MTMR1: variants seen among roughly 807,000 people sequenced by gnomAD.
MTMR1 encodes myotubularin related protein 1, also known as phosphatidylinositol-3-phosphate phosphatase MTMR1.
Under a neutral mutation model 51.6 loss-of-function variants are expected in MTMR1, and 17 were observed. That is an observed-to-expected ratio of 0.33 (90% CI 0.23 to 0.49). MTMR1 has a LOEUF of 0.49. MTMR1 is among the 20% of genes least tolerant of loss of function. The pLI, the probability that MTMR1 is intolerant of heterozygous loss-of-function variation, is 0.99. For missense variants in MTMR1, 386 were observed against 526.9 expected (o/e 0.73, Z 2.62); for synonymous variants, 201 against 205.6 (o/e 0.98, Z 0.19).
In MTMR1 at chrX:150,762,554, G is replaced by A. The variant is rs112835116; in HGVS notation, c.1858-11G>A. ...GGCCTGATAATGCAGCTTTGTCTCT[G>A]CTCCCTCCAGATGCCCATTCACCAG... On this transcript the variant is annotated splice_polypyrimidine_tract_variant and intron_variant, in intron 15 of 15. Coordinates refer to ENST00000445323, the MANE Select transcript of MTMR1 (RefSeq NM_001306144.3). 3.1e-3 allele frequency: 3,786 copies of A among 1,210,480 alleles called. 85 individuals carry two copies. In the African/African-American group the frequency reaches 0.058, roughly 18 times the overall value.
chrX:150,693,310 G>A (rs1202507287), upstream of MTMR1: 4 of 266,957 alleles, frequency 1.5e-5, no homozygotes, highest in African/African-American at 3.0e-5. Context: ...TCCCGGCGCC[G>A]GCCCCGCGCG....
intron 13 of MTMR1, among the ~76,000 whole-genome samples, chrX:150,747,899 A>T (rs1172339475): frequency 8.9e-6 from 1 of 111,980 alleles, no homozygotes; most frequent in Non-Finnish European, 1.9e-5. Flanking sequence ...TCATTGTCAT[A>T]GTCTGTTTGG....
chrX:150,749,244 C>T (rs2042661551), intron 13 of MTMR1, among the ~76,000 whole-genome samples: 1 of 111,968 alleles, frequency 8.9e-6, no homozygotes, highest in Admixed American at 9.4e-5. Flanking sequence ...GACCATTGTT[C>T]TAATTGAAAA....
chrX:150,736,338 C>G, intron 10 of MTMR1: 1 of 313,174 alleles, frequency 3.2e-6, no homozygotes. Context: ...CTAGAGTGTT[C>G]GGAGGAAGCA....
At chrX:150,757,791 A>G (rs1195205587) in intron 15 of MTMR1, among the ~76,000 whole-genome samples, 1 of 111,693 alleles carries the variant, frequency 9.0e-6, no homozygotes, top group Non-Finnish European at 1.9e-5. Flanking sequence ...AGCTGCTGGG[A>G]CTTGTGCTGC....
In MTMR1 at chrX:150,730,566, T is replaced by A. The variant is rs782487202; in HGVS notation, c.699T>A (p.Asn233Lys). Residue 233 changes from asparagine to lysine, a missense_variant, in exon 8 of 16, where the codon AAT (asparagine) becomes AAA (lysine). Transcript: ENST00000445323. ...AFSYKEKFPI[N>K]GWKVYDPVSE... Reference sequence around the variant, plus strand: ...GCTATAAAGAAAAATTTCCAATTAATGGCTGGAAAGTTTATGATCCAGTAT... The same window carrying A: ...GCTATAAAGAAAAATTTCCAATTAAAGGCTGGAAAGTTTATGATCCAGTAT... 25 of 1,171,060 alleles carry A rather than the reference T, an allele frequency of 2.1e-5. No individual in the cohort carries two copies. The South Asian group carries it at 4.5e-4, about 21-fold the overall frequency.
chrX:150,735,199 C>G (rs1213107974), intron 10 of MTMR1, among the ~76,000 whole-genome samples: 1 of 111,795 alleles, frequency 8.9e-6, no homozygotes, highest in African/African-American at 3.3e-5. Flanking sequence ...CTGCCAGCAC[C>G]CTGATCTCGG....
intron 14 of MTMR1, among the ~76,000 whole-genome samples, chrX:150,755,025 CAA>C (rs34113407): frequency 0.077 from 4,252 of 55,053 alleles, 107 homozygotes; most frequent in Non-Finnish European, 0.1. Flanking sequence ...GACTCCATCT[CAA>C]AAAAAAAAAA....
At chrX:150,760,944 A>G (rs2043103385) in intron 15 of MTMR1, among the ~76,000 whole-genome samples, 1 of 109,365 alleles carries the variant, frequency 9.1e-6, no homozygotes, top group South Asian at 3.9e-4. Context: ...AAAAAAAAAA[A>G]AAAAGAAAAA....
intron 3 of MTMR1, among the ~76,000 whole-genome samples, chrX:150,715,008 C>T (rs781956522): frequency 8.9e-5 from 10 of 111,996 alleles, no homozygotes; most frequent in Non-Finnish European, 1.5e-4. Context: ...TTACTCTGCT[C>T]AGTACCTCTA....
At position 150,693,641 on chromosome X, in the gene MTMR1, C is replaced by T. The variant is rs1450603310; in HGVS notation, c.111C>T (p.Ala37=). Residue 37 remains alanine (A), a synonymous_variant, in exon 1 of 16, where the codon GCC becomes GCT. Transcript: ENST00000445323. The part of the protein sequence containing the change: ...RPPRAAGGAT[A]GSRQPSVETL... ...CTCGGGCCGCGGGGGGCGCCACCGC[C>T]GGCTCCCGGCAGCCCAGCGTGGAGA... The T allele has an allele frequency of 2.4e-5, 18 of 754,731 alleles. No homozygotes were observed. The highest frequency in any genetic ancestry group is 2.7e-5 in the Non-Finnish European group (17 of 641,315). 62.2% of individuals were successfully genotyped at this position (754,731 alleles called of 1,213,427 possible).
chrX:150,713,739 A>G (rs1569565648), intron 3 of MTMR1, among the ~76,000 whole-genome samples: 1 of 112,220 alleles, frequency 8.9e-6, no homozygotes, highest in Non-Finnish European at 1.9e-5. Flanking sequence ...TAAAGAAATT[A>G]AGAACAGTAT....
chrX:150,760,754 T>C (rs941848769), intron 15 of MTMR1, among the ~76,000 whole-genome samples: 1 of 110,383 alleles, frequency 9.1e-6, no homozygotes, highest in Non-Finnish European at 1.9e-5. Context: ...TGAAACCTCA[T>C]CTCTATTAAA....
intron 10 of MTMR1, chrX:150,735,308 A>G (rs1259555629): frequency 5.9e-6 from 2 of 337,438 alleles, no homozygotes; most frequent in African/African-American, 5.3e-5. Context: ...ACCTCCTTAC[A>G]TTCCTGGGAT....
intron 12 of MTMR1, among the ~76,000 whole-genome samples, chrX:150,743,191 G>A (rs1352554003): frequency 2.7e-5 from 3 of 110,669 alleles, no homozygotes; most frequent in African/African-American, 9.9e-5. Context: ...ATCTCTTGAG[G>A]TCAGGGGTTC....
intron 4 of MTMR1, among the ~76,000 whole-genome samples, chrX:150,721,890 A>G (rs1557416586): frequency 9.0e-6 from 1 of 111,575 alleles, no homozygotes; most frequent in African/African-American, 3.3e-5. Flanking sequence ...ATAGGCATTT[A>G]GATTTTCCTC....
intron 3 of MTMR1, among the ~76,000 whole-genome samples, chrX:150,713,505 A>G (rs1319445301): frequency 6.3e-5 from 7 of 111,832 alleles, no homozygotes; most frequent in African/African-American, 2.3e-4. Context: ...TTAAAGCTTT[A>G]CTAGTTCTTC....
intron 13 of MTMR1, among the ~76,000 whole-genome samples, chrX:150,744,769 G>C (rs2042530431): frequency 8.9e-6 from 1 of 111,871 alleles, no homozygotes; most frequent in Non-Finnish European, 1.9e-5. Context: ...GTCTCCTGCT[G>C]AGCAGTTCAT....
intron 13 of MTMR1, 110 bp downstream of exon 13, chrX:150,744,563 A>G: frequency 1.7e-6 from 1 of 595,578 alleles, no homozygotes; most frequent in Non-Finnish European, 2.6e-6. Flanking sequence ...ATATGACCCC[A>G]TTATTTAACA....
Sources: allele counts gnomAD v4.1 joint callset (sites outside exome capture counted in the v4.1 genomes callset), GRCh38; gene constraint gnomAD v4.1.1; transcripts MANE v1.5; gene names NCBI Gene and HGNC (gene_info 2026-07-23, HGNC 2026-07-21).